Variants in TRIT1 observed in about 807,000 individuals in gnomAD.
TRIT1 encodes the protein tRNA dimethylallyltransferase.
In TRIT1, 43 loss-of-function variants were observed where a neutral mutation model predicts 51.2. The ratio of observed to expected loss-of-function variants is 0.84; its 90% CI spans 0.66 to 1.08. The LOEUF (loss-of-function observed/expected upper bound fraction) is 1.08, where lower values mean the gene tolerates loss of function less well. Among genes scored for constraint, TRIT1 ranks in the 50% least tolerant of loss-of-function variants. TRIT1 has a pLI of 0.00. For missense variants in TRIT1, 528 were observed against 578.4 expected, an observed-to-expected ratio of 0.91 and a Z score of 0.89; for synonymous variants, 184 against 203.9, an observed-to-expected ratio of 0.90 and a Z score of 0.83.
At chr1:39,878,438 G>T (rs1343533130) in intron 1 of TRIT1, among the ~76,000 whole-genome samples, 1 of 152,214 alleles carries the variant, frequency 6.6e-6, no homozygotes, top group East Asian at 1.9e-4. Context: ...TGCCTTGGAT[G>T]ACCCTACATT....
chr1:39,847,057 G>A, intron 8 of TRIT1, 163 bp downstream of exon 8: 3 of 551,472 alleles, frequency 5.4e-6, no homozygotes, highest in Non-Finnish European at 3.1e-6. Flanking sequence ...GACATCCCAA[G>A]AAAATATCCC....
chr1:39,858,425 T>G lies in TRIT1; in HGVS notation c.175-1008A>C, dbSNP rs6680378. On this transcript the variant is annotated intron_variant, in intron 1 of 10. Coordinates refer to ENST00000316891, the MANE Select transcript of TRIT1 (RefSeq NM_017646.6). ...TTACTAACCTCTCTGGGCCTCAATC[T>G]CTCATCAGTAAAATGAAAATAATAA... Among the ~76,000 whole-genome samples, 3 of 152,080 alleles carry G rather than the reference T, an allele frequency of 2.0e-5. No homozygotes were observed. In the East Asian group the frequency reaches 5.8e-4, roughly 29 times the overall value.
intron 10 of TRIT1, among the ~76,000 whole-genome samples, chr1:39,842,418 C>T (rs776625742): frequency 3.3e-5 from 5 of 152,166 alleles, no homozygotes; most frequent in Non-Finnish European, 7.4e-5. Context: ...CAGGGCATTG[C>T]CTGTTGTCCT....
chr1:39,867,001 A>T (rs1643594356), intron 1 of TRIT1, among the ~76,000 whole-genome samples: 1 of 152,194 alleles, frequency 6.6e-6, no homozygotes, highest in African/African-American at 2.4e-5. Context: ...AAAATAAAAA[A>T]GCAGGAGAAT....
At chr1:39,877,486 G>A (rs776508005) in intron 1 of TRIT1, among the ~76,000 whole-genome samples, 6 of 152,032 alleles carry the variant, frequency 3.9e-5, no homozygotes, top group Non-Finnish European at 7.4e-5. Flanking sequence ...TCCTATGTAC[G>A]GCTACTGCTT....
Position 39,844,591 on chromosome 1 carries a change from G to C in TRIT1, c.1056C>G (p.Val352=). ...CAAGAACAGACTCTTCCCACTTCGA[G>C]ACATCAGATACCTCTAAGCCATAGA... The part of the protein sequence containing the change: ...PPVYGLEVSD[V]SKWEESVLEP... Residue 352 remains valine (V), a synonymous_variant, in exon 9 of 11, where the codon GTC becomes GTG. Transcript: ENST00000316891. The C allele has an allele frequency of 6.2e-7, 1 of 1,614,040 alleles. No individual in the cohort carries two copies. Among genetic ancestry groups the C allele is most frequent in the Non-Finnish European group, 8.5e-7 (1 of 1,179,952 alleles).
intron 5 of TRIT1, among the ~76,000 whole-genome samples, chr1:39,849,581 T>C (rs1642439785): frequency 6.6e-6 from 1 of 152,228 alleles, no homozygotes; most frequent in Non-Finnish European, 1.5e-5. Context: ...CCCACTAGAC[T>C]GGGAATTCCT....
At chr1:39,850,525 C>A (rs1206451713) in intron 4 of TRIT1, among the ~76,000 whole-genome samples, 1 of 152,156 alleles carries the variant, frequency 6.6e-6, no homozygotes, top group Non-Finnish European at 1.5e-5. Flanking sequence ...GGCTTATTCT[C>A]ATTTTCACTG....
At chr1:39,849,733 C>T (rs1314178968) in intron 5 of TRIT1, among the ~76,000 whole-genome samples, 3 of 152,180 alleles carry the variant, frequency 2.0e-5, no homozygotes, top group Non-Finnish European at 4.4e-5. Context: ...CAACAAAATA[C>T]CATCAGGCTA....
chr1:39,879,199 G>A (rs570750545), intron 1 of TRIT1, among the ~76,000 whole-genome samples: 213 of 152,090 alleles, frequency 1.4e-3, no homozygotes, highest in Non-Finnish European at 2.6e-3. Context: ...AACATGGGAG[G>A]CAGAGGTTGC....
intron 1 of TRIT1, among the ~76,000 whole-genome samples, chr1:39,866,032 A>C (rs1557567282): frequency 1.3e-5 from 2 of 149,980 alleles, no homozygotes; most frequent in Non-Finnish European, 3.0e-5. Context: ...GAAAGAAAAG[A>C]AAAGAAAAGA....
chr1:39,859,292 A>C (rs1174613349), intron 1 of TRIT1, among the ~76,000 whole-genome samples: 15 of 137,146 alleles, frequency 1.1e-4, no homozygotes, highest in Non-Finnish European at 6.2e-5. Context: ...AAAAAAAAAA[A>C]AAAACGAAAG....
chr1:39,866,908 C>T (rs542421466), intron 1 of TRIT1, among the ~76,000 whole-genome samples: 2 of 152,226 alleles, frequency 1.3e-5, no homozygotes, highest in Non-Finnish European at 2.9e-5. Context: ...GGGAGGACTG[C>T]TTGAGCCAGG....
In TRIT1 at chr1:39,847,455, C is replaced by T. The variant is rs111832238; in HGVS notation, c.928+93G>A. On this transcript the variant is annotated intron_variant, in intron 7 of 10. Coordinates refer to ENST00000316891, the MANE Select transcript of TRIT1 (RefSeq NM_017646.6). ...GTTCTGAGCTGAAGGCTATTTGGGA[C>T]GCTTTAAGCCTTGGCTCTTTCTCAG... 218 of 1,474,314 alleles carry T rather than the reference C, an allele frequency of 1.5e-4. 2 individuals carry two copies. The African/African-American group carries it at 1.5e-3, about 10-fold the overall frequency. 91.3% of individuals were successfully genotyped at this position (1,474,314 alleles called of 1,614,324 possible). A position where few individuals can be genotyped will look rare whatever the true frequency, so the allele number is the denominator to read the frequency against.
At chr1:39,856,627 T>C (rs1050190868) in intron 2 of TRIT1, among the ~76,000 whole-genome samples, 4 of 152,158 alleles carry the variant, frequency 2.6e-5, no homozygotes, top group Admixed American at 6.5e-5. Flanking sequence ...TTTTAATATA[T>C]AGCAATCCAG....
intron 8 of TRIT1, among the ~76,000 whole-genome samples, chr1:39,846,345 G>A (rs748056731): frequency 3.7e-4 from 57 of 152,188 alleles, no homozygotes; most frequent in Non-Finnish European, 4.7e-4. Flanking sequence ...CCAGCAAAAG[G>A]TAAACACAAG....
In TRIT1 at chr1:39,883,466, G is replaced by A. The variant is rs745312683; in HGVS notation, c.26C>T (p.Ala9Val). The A allele has an allele frequency of 5.0e-6, 8 of 1,597,022 alleles. No homozygotes were observed. Among genetic ancestry groups the A allele is most frequent in the Non-Finnish European group, 6.0e-6 (7 of 1,166,622 alleles). The change falls in exon 1 of 11, where the codon GCA (alanine) becomes GTA (valine). Residue 9 changes from alanine (A) to valine (V), a missense_variant. This residue lies in a region of TRIT1 where 55 missense variants were observed against 37.0 expected (regional missense o/e 1.49). Coordinates refer to ENST00000316891, the MANE Select transcript of TRIT1 (RefSeq NM_017646.6). MASVAAAR[A>V]VPVGSGLRGL... Reference sequence around the variant, plus strand: ...CCTGAGCCCACTGCCCACGGGAACTGCTCGTGCAGCCGCCACGGACGCCAT... The same window carrying A: ...CCTGAGCCCACTGCCCACGGGAACTACTCGTGCAGCCGCCACGGACGCCAT...
intron 1 of TRIT1, among the ~76,000 whole-genome samples, chr1:39,865,495 G>A (rs1429212648): frequency 6.6e-6 from 1 of 152,054 alleles, no homozygotes; most frequent in African/African-American, 2.4e-5. Context: ...ACTGTCTAGT[G>A]GACATTCCAT....
At chr1:39,860,902 AC>A (rs1170937273) in intron 1 of TRIT1, among the ~76,000 whole-genome samples, 4 of 152,008 alleles carry the variant, frequency 2.6e-5, no homozygotes, top group African/African-American at 9.7e-5. Context: ...ACATGGTGAA[AC>A]CCCGTCTCTA....
Sources: allele counts gnomAD v4.1 joint callset (sites outside exome capture counted in the v4.1 genomes callset), GRCh38; gene constraint gnomAD v4.1.1; regional missense constraint gnomAD v4.1.1; transcripts MANE v1.5; gene names NCBI Gene and HGNC (gene_info 2026-07-23, HGNC 2026-07-21).